SMG6: variants seen among roughly 807,000 people sequenced by gnomAD.
SMG6 encodes SMG6 nonsense mediated mRNA decay factor.
SMG6 carries 66 observed loss-of-function variants against 142.2 expected under a neutral mutation model. That is an observed-to-expected ratio of 0.46 (90% CI 0.38 to 0.57). The LOEUF is 0.57. SMG6 is among the 20% of genes least tolerant of loss of function. The pLI is 0.00. For synonymous variants in SMG6, 779 were observed against 702.4 expected, an observed-to-expected ratio of 1.11 and a Z score of -1.72; for missense variants, 1,793 against 1,832.0, an observed-to-expected ratio of 0.98 and a Z score of 0.39.
intron 8 of SMG6, among the ~76,000 whole-genome samples, chr17:2,277,152 TATTTATTTA>T (rs1158229577): frequency 3.0e-3 from 233 of 78,030 alleles, no homozygotes; most frequent in African/African-American, 0.013. Flanking sequence ...TTTATTTATT[TATTTATTTA>T]TTTATTTTTT....
At chr17:2,173,245 G>C (rs1793335128) in intron 12 of SMG6, 2 of 260,036 alleles carry the variant, frequency 7.7e-6, no homozygotes, top group African/African-American at 2.2e-5. Context: ...GTCCAGCCAA[G>C]TACATGCCAC....
chr17:2,087,679 T>C, intron 13 of SMG6: 1 of 989,288 alleles, frequency 1.0e-6, no homozygotes, highest in Non-Finnish European at 1.2e-6. Context: ...TTCCATTGCG[T>C]GTATTCAAAC....
chr17:2,200,539 AAC>A (rs2072488287), intron 10 of SMG6, among the ~76,000 whole-genome samples: 2 of 151,686 alleles, frequency 1.3e-5, no homozygotes, highest in Non-Finnish European at 2.9e-5. Context: ...AAAAAAAAAA[AAC>A]TTTTTGTAGA....
In SMG6 at chr17:2,093,802, G is replaced by A. The variant is rs78386765; in HGVS notation, c.3358-7901C>T. 1.6e-4 allele frequency among the ~76,000 whole-genome samples: 25 copies of A among 152,282 alleles called. 1 individual carries two copies. The East Asian group carries it at 3.5e-3, about 21-fold the overall frequency. On this transcript the variant is annotated intron_variant, in intron 13 of 18. Coordinates refer to ENST00000263073, the MANE Select transcript of SMG6 (RefSeq NM_017575.5). Reference sequence around the variant, plus strand: ...CTGGCTAATTTTTAAAAATTGTTTTGTAAAGATGAGGTCTTGCTATATTGT... The same window carrying A: ...CTGGCTAATTTTTAAAAATTGTTTTATAAAGATGAGGTCTTGCTATATTGT...
At chr17:2,120,228 C>T (rs961590771) in intron 13 of SMG6, among the ~76,000 whole-genome samples, 1 of 152,184 alleles carries the variant, frequency 6.6e-6, no homozygotes, top group African/African-American at 2.4e-5. Context: ...AAATTAAAAC[C>T]TTTTGCTTAT....
At chr17:2,135,628 G>C (rs978292066) in intron 13 of SMG6, among the ~76,000 whole-genome samples, 3 of 152,176 alleles carry the variant, frequency 2.0e-5, no homozygotes, top group African/African-American at 7.2e-5. Context: ...CTGACCACTA[G>C]AAATGTGACT....
chr17:2,140,311 C>T (rs931504346), intron 13 of SMG6, among the ~76,000 whole-genome samples: 2 of 152,190 alleles, frequency 1.3e-5, no homozygotes, highest in African/African-American at 4.8e-5. Flanking sequence ...CATGCCTCAG[C>T]CTCCCAAAGT....
chr17:2,194,321 A>G (rs1299773987), intron 10 of SMG6, among the ~76,000 whole-genome samples: 1 of 152,240 alleles, frequency 6.6e-6, no homozygotes, highest in African/African-American at 2.4e-5. Flanking sequence ...TGAATATTTT[A>G]TAAAGATTAA....
At chr17:2,273,321 G>T (rs1407705766) in intron 8 of SMG6, among the ~76,000 whole-genome samples, 1 of 152,198 alleles carries the variant, frequency 6.6e-6, no homozygotes, top group African/African-American at 2.4e-5. Flanking sequence ...TTCACGACCT[G>T]CCTGGACAAC....
At chr17:2,269,323 G>A (rs145518565) in intron 8 of SMG6, among the ~76,000 whole-genome samples, 4,213 of 151,332 alleles carry the variant, frequency 0.028, 183 homozygotes, top group African/African-American at 0.096. Context: ...CCTGGGAGGC[G>A]AAGGTTGCAA....
At chr17:2,240,077 C>T (rs2073762786) in intron 9 of SMG6, 1 of 152,170 alleles carries the variant, frequency 6.6e-6, no homozygotes, top group South Asian at 2.1e-4. Flanking sequence ...CCATATGGCA[C>T]CCCGACTGAG....
chr17:2,275,230 T>C (rs1287485742), intron 8 of SMG6, among the ~76,000 whole-genome samples: 1 of 152,132 alleles, frequency 6.6e-6, no homozygotes, highest in African/African-American at 2.4e-5. Flanking sequence ...AATACCAGCC[T>C]GGCCAACATG....
chr17:2,108,388 G>A (rs778724682), intron 13 of SMG6, among the ~76,000 whole-genome samples: 1 of 152,158 alleles, frequency 6.6e-6, no homozygotes, highest in East Asian at 1.9e-4. Context: ...AGGCCGAGGC[G>A]GGCGGGTAAC....
intron 8 of SMG6, 155 bp from the exon 9 acceptor site, chr17:2,244,874 C>A: frequency 1.6e-6 from 1 of 633,996 alleles, no homozygotes; most frequent in Non-Finnish European, 2.8e-6. Flanking sequence ...CTCACAGACC[C>A]AGGGCACATG....
rs953034192 is a variant in SMG6, at chr17:2,073,386, TTTTTG to T, written c.3682-4460_3682-4456del. Among the ~76,000 whole-genome samples the T allele has an allele frequency of 2.9e-4, 44 of 151,796 alleles. 1 individual carries two copies. The highest frequency in any genetic ancestry group is 5.9e-4 in the Admixed American group (9 of 15,260). On this transcript the variant is annotated intron_variant, in intron 15 of 18. Transcript: ENST00000263073. ...GGCGTAAGCCACTGTGCCCAGCGTT[TTTTTG>T]TTTTGTTTTGTTTTGTTTTAAAGAG...
chr17:2,153,153 A>G (rs1196203656), intron 13 of SMG6, among the ~76,000 whole-genome samples: 1 of 152,214 alleles, frequency 6.6e-6, no homozygotes, highest in East Asian at 1.9e-4. Context: ...TTAAAATACT[A>G]TGAGATGTTT....
intron 13 of SMG6, chr17:2,122,453 G>C (rs2069732603): frequency 6.6e-6 from 1 of 152,154 alleles, no homozygotes; most frequent in Non-Finnish European, 1.5e-5. Flanking sequence ...AGTGTCAGAG[G>C]GCTGGTTTTG....
chr17:2,170,396 T>G (rs1478218196), intron 13 of SMG6, among the ~76,000 whole-genome samples: 1 of 152,214 alleles, frequency 6.6e-6, no homozygotes, highest in Non-Finnish European at 1.5e-5. Context: ...TGTCCCACAC[T>G]AAAAGACAGC....
intron 13 of SMG6, among the ~76,000 whole-genome samples, chr17:2,116,754 A>G (rs1182416353): frequency 6.6e-6 from 1 of 152,118 alleles, no homozygotes; most frequent in Non-Finnish European, 1.5e-5. Context: ...CCTCAAAAAA[A>G]TAAAAACCCT....
Sources: gnomAD v4.1 joint callset for allele counts (sites outside exome capture counted in the v4.1 genomes callset) on GRCh38, gnomAD v4.1.1 for gene constraint, MANE v1.5 for transcripts, NCBI Gene and HGNC (gene_info 2026-07-23, HGNC 2026-07-21) for gene names.